MOB3B: variants seen among roughly 807,000 people sequenced by gnomAD.
MOB3B encodes MOB kinase activator 3B.
Under a neutral mutation model 18.7 loss-of-function variants are expected in MOB3B, and 7 were observed. The ratio of observed to expected loss-of-function variants is 0.37; its 90% CI spans 0.21 to 0.70. MOB3B has a LOEUF of 0.70. Ranked by LOEUF, MOB3B falls within the 30% of genes least tolerant of loss-of-function variation. MOB3B has a pLI of 0.52. For missense variants in MOB3B, 253 were observed against 281.3 expected, an observed-to-expected ratio of 0.90 and a Z score of 0.72; for synonymous variants, 111 against 99.9, an observed-to-expected ratio of 1.11 and a Z score of -0.66.
At chr9:27,372,195 G>A (rs1350264333) in intron 2 of MOB3B, among the ~76,000 whole-genome samples, 3 of 152,108 alleles carry the variant, frequency 2.0e-5, no homozygotes, top group Non-Finnish European at 2.9e-5. Flanking sequence ...GAAAGGAAGT[G>A]CTAATAAAAA....
At chr9:27,393,527 G>A (rs1240707434) in intron 2 of MOB3B, among the ~76,000 whole-genome samples, 1 of 152,092 alleles carries the variant, frequency 6.6e-6, no homozygotes, top group East Asian at 1.9e-4. Flanking sequence ...TGTTCCCAAG[G>A]AGTTGTGCAA....
chr9:27,355,239 G>C (rs1425748138), intron 3 of MOB3B, among the ~76,000 whole-genome samples: 1 of 152,162 alleles, frequency 6.6e-6, no homozygotes, highest in Non-Finnish European at 1.5e-5. Flanking sequence ...GTGCATGGTG[G>C]AGGCAAGGCA....
At chr9:27,352,645 T>C (rs1434135633) in intron 3 of MOB3B, among the ~76,000 whole-genome samples, 1 of 152,098 alleles carries the variant, frequency 6.6e-6, no homozygotes, top group East Asian at 1.9e-4. Context: ...TCCCTCTCCA[T>C]GCGGCAGTGG....
intron 1 of MOB3B, among the ~76,000 whole-genome samples, chr9:27,512,766 G>C (rs1334755592): frequency 6.6e-6 from 1 of 152,100 alleles, no homozygotes; most frequent in African/African-American, 2.4e-5. Flanking sequence ...TAATAGATTA[G>C]GATCACTTTT....
chr9:27,511,027 A>G (rs1331936200), intron 1 of MOB3B, among the ~76,000 whole-genome samples: 1 of 152,170 alleles, frequency 6.6e-6, no homozygotes, highest in Non-Finnish European at 1.5e-5. Flanking sequence ...ACTCATAAAC[A>G]GTTTCCAGCA....
At chr9:27,463,695 T>A (rs1278626735) in intron 1 of MOB3B, among the ~76,000 whole-genome samples, 1 of 151,852 alleles carries the variant, frequency 6.6e-6, no homozygotes, top group Admixed American at 6.6e-5. Flanking sequence ...GCACAGTGAC[T>A]CACGTCTGTA....
chr9:27,374,613 T>C (rs552853908), intron 2 of MOB3B, among the ~76,000 whole-genome samples: 1 of 152,190 alleles, frequency 6.6e-6, no homozygotes, highest in African/African-American at 2.4e-5. Context: ...GAACTTGACA[T>C]TCACAAGCAG....
At chr9:27,459,240 C>T (rs1819240827) in intron 1 of MOB3B, among the ~76,000 whole-genome samples, 1 of 149,154 alleles carries the variant, frequency 6.7e-6, no homozygotes, top group African/African-American at 2.4e-5. Flanking sequence ...ATAATTTATG[C>T]TGTGGGCTAA....
intron 2 of MOB3B, among the ~76,000 whole-genome samples, chr9:27,360,262 G>C (rs988751763): frequency 1.3e-4 from 20 of 152,318 alleles, no homozygotes; most frequent in African/African-American, 4.6e-4. Context: ...CCAGCACTTT[G>C]GGAGGCTGAG....
At chr9:27,450,881 G>A (rs1822773060) in intron 2 of MOB3B, among the ~76,000 whole-genome samples, 1 of 152,156 alleles carries the variant, frequency 6.6e-6, no homozygotes, top group East Asian at 1.9e-4. Context: ...ATTAACAGTA[G>A]CAGGCACAGG....
At chr9:27,357,211 G>A (rs1821205936) in intron 3 of MOB3B, among the ~76,000 whole-genome samples, 1 of 138,724 alleles carries the variant, frequency 7.2e-6, no homozygotes, top group Non-Finnish European at 1.5e-5. Flanking sequence ...AAACACTAAA[G>A]GTGATATGTG....
chr9:27,367,836 G>T (rs1821360892), intron 2 of MOB3B, among the ~76,000 whole-genome samples: 1 of 152,182 alleles, frequency 6.6e-6, no homozygotes. Context: ...CATGTGAACT[G>T]TCCAAGGAGC....
intron 3 of MOB3B, among the ~76,000 whole-genome samples, chr9:27,331,825 G>A (rs371045854): frequency 2.6e-4 from 39 of 152,214 alleles, no homozygotes; most frequent in African/African-American, 7.9e-4. Context: ...AGGAAACATC[G>A]AGAAAAAGGA....
intron 1 of MOB3B, among the ~76,000 whole-genome samples, chr9:27,487,905 C>G (rs1264151122): frequency 1.3e-5 from 2 of 152,244 alleles, no homozygotes; most frequent in Non-Finnish European, 1.5e-5. Flanking sequence ...TTGTAGATTT[C>G]ACTTCTGACT....
intron 2 of MOB3B, among the ~76,000 whole-genome samples, chr9:27,380,446 C>G (rs1273921602): frequency 1.3e-5 from 2 of 151,926 alleles, no homozygotes. Context: ...ACCATGTTGG[C>G]CAGGATGGTC....
chr9:27,428,152 G>C (rs984997880), intron 2 of MOB3B, among the ~76,000 whole-genome samples: 5 of 152,016 alleles, frequency 3.3e-5, no homozygotes, highest in Non-Finnish European at 7.4e-5. Context: ...ATTTACTGAG[G>C]GGCTGCTATG....
At chr9:27,346,906 G>A (rs1821037635) in intron 3 of MOB3B, among the ~76,000 whole-genome samples, 1 of 152,164 alleles carries the variant, frequency 6.6e-6, no homozygotes, top group Admixed American at 6.5e-5. Flanking sequence ...TGAGGTGGGA[G>A]AATTGCTTGA....
At chr9:27,502,525 C>A (rs1240842005) in intron 1 of MOB3B, among the ~76,000 whole-genome samples, 1 of 152,162 alleles carries the variant, frequency 6.6e-6, no homozygotes, top group Non-Finnish European at 1.5e-5. Context: ...ACAAAAACAC[C>A]CATCAGCCAA....
At chr9:27,471,091 A>T (rs1242230039) in intron 1 of MOB3B, among the ~76,000 whole-genome samples, 1 of 152,092 alleles carries the variant, frequency 6.6e-6, no homozygotes, top group Non-Finnish European at 1.5e-5. Context: ...GACCAAGATC[A>T]CTTGCACCTG....
Sources: gnomAD v4.1 joint callset for allele counts (sites outside exome capture counted in the v4.1 genomes callset) on GRCh38, gnomAD v4.1.1 for gene constraint, MANE v1.5 for transcripts, NCBI Gene and HGNC (gene_info 2026-07-23, HGNC 2026-07-21) for gene names.